KIRREL3: variants seen among roughly 807,000 people sequenced by gnomAD.
KIRREL3 encodes the protein kin of IRRE-like protein 3.
Under a neutral mutation model 89.7 loss-of-function variants are expected in KIRREL3, and 36 were observed. That is an observed-to-expected ratio of 0.40 (90% CI 0.31 to 0.53). The LOEUF (loss-of-function observed/expected upper bound fraction) is 0.53, where lower values mean the gene tolerates loss of function less well. Among genes scored for constraint, KIRREL3 ranks in the 20% least tolerant of loss-of-function variants. KIRREL3 has a pLI of 0.49. For synonymous variants in KIRREL3, 445 were observed against 441.4 expected (o/e 1.01, Z -0.10); for missense variants, 864 against 1,056.6 (o/e 0.82, Z 2.53).
intron 1 of KIRREL3, among the ~76,000 whole-genome samples, chr11:126,657,982 C>T (rs1024397514): frequency 3.9e-5 from 6 of 152,224 alleles, no homozygotes. Context: ...ATCAGTTTCA[C>T]AGAGAAGATG....
rs146141704 is a variant in KIRREL3 at position 126,651,010 on chromosome 11, G to T, written c.56-88098C>A. Among the ~76,000 whole-genome samples, 1 of 152,280 alleles carries T rather than the reference G, an allele frequency of 6.6e-6. No individual in the cohort carries two copies. The highest frequency in any genetic ancestry group is 1.5e-5 in the Non-Finnish European group (1 of 68,024). On this transcript the variant is annotated intron_variant, in intron 1 of 16. Coordinates refer to ENST00000525144, the MANE Select transcript of KIRREL3 (RefSeq NM_032531.4). The surrounding 1 kb of genome is among the most constrained non-coding windows in gnomAD (Gnocchi z 4.6). ...GTGAAAATCCCTGATAAAACCATCA[G>T]ATCTCATGAGACACATTCACTTCCA...
Position 126,756,927 on chromosome 11 carries a change from A to G in KIRREL3, c.56-194015T>C, listed in dbSNP as rs565493680. On this transcript the variant is annotated intron_variant, in intron 1 of 16. Transcript: ENST00000525144. ...CGAAGGCACCACCTGCACTCAAGAC[A>G]CTGGTTTCTTTGAGTGCCTGGCCAG... 1.2e-4 allele frequency among the ~76,000 whole-genome samples: 18 copies of G among 152,298 alleles called. No individual in the cohort carries two copies. In the South Asian group the frequency reaches 1.7e-3, roughly 14 times the overall value.
In KIRREL3 at chr11:126,989,487, A is replaced by G. The variant is rs1949962091; in HGVS notation, c.55+10968T>C. On this transcript the variant is annotated intron_variant, in intron 1 of 16. Coordinates refer to ENST00000525144, the MANE Select transcript of KIRREL3 (RefSeq NM_032531.4). The surrounding 1 kb of genome is among the most constrained non-coding windows in gnomAD (Gnocchi z 6.2). ...AAAACTGAATGAAAGGCCAAAGGTA[A>G]CATAAACCGCCAGCTCTACCAACCA... Among the ~76,000 whole-genome samples the G allele has an allele frequency of 6.6e-6, 1 of 152,104 alleles. No homozygotes were observed. Among genetic ancestry groups the G allele is most frequent in the Admixed American group, 6.5e-5 (1 of 15,276 alleles).
intron 13 of KIRREL3, among the ~76,000 whole-genome samples, chr11:126,434,725 G>A (rs1955254462): frequency 6.6e-6 from 1 of 152,220 alleles, no homozygotes; most frequent in African/African-American, 2.4e-5. Flanking sequence ...GGAGGGAGGC[G>A]CTGCCCTGCA....
At chr11:126,625,441 C>A (rs1014597191) in intron 1 of KIRREL3, among the ~76,000 whole-genome samples, 3 of 152,212 alleles carry the variant, frequency 2.0e-5, no homozygotes, top group African/African-American at 7.2e-5. Flanking sequence ...TCATTTCAGT[C>A]AAATTCTGCA....
At chr11:126,907,430 T>C (rs149161134) in intron 1 of KIRREL3, among the ~76,000 whole-genome samples, 3 of 152,192 alleles carry the variant, frequency 2.0e-5, no homozygotes, top group African/African-American at 4.8e-5. Context: ...TCATTTCCAA[T>C]GGCACACAAC....
Position 126,802,045 on chromosome 11 carries a change from A to G in KIRREL3, c.55+198410T>C, listed in dbSNP as rs975993929. On this transcript the variant is annotated intron_variant, in intron 1 of 16. Coordinates refer to ENST00000525144, the MANE Select transcript of KIRREL3 (RefSeq NM_032531.4). This position sits in a 1 kb window ranked among gnomAD's most constrained non-coding sequence, Gnocchi z 5.2. ...GTTGGTTGAAACCTGATTAATTGCT[A>G]TTCCATAGGCAAATGATGCTGCCAA... 2.3e-4 allele frequency among the ~76,000 whole-genome samples: 35 copies of G among 152,318 alleles called. No homozygotes were observed. Among genetic ancestry groups the G allele is most frequent in the African/African-American group, 7.9e-4 (33 of 41,586 alleles).
At chr11:126,751,382 A>G (rs1281555493) in intron 1 of KIRREL3, among the ~76,000 whole-genome samples, 1 of 152,224 alleles carries the variant, frequency 6.6e-6, no homozygotes, top group Non-Finnish European at 1.5e-5. Flanking sequence ...CTTGCTGGCT[A>G]AGGAGAACAG....
intron 1 of KIRREL3, among the ~76,000 whole-genome samples, chr11:126,662,352 T>C (rs191110273): frequency 2.4e-3 from 361 of 152,358 alleles, no homozygotes; most frequent in Non-Finnish European, 3.9e-3. Flanking sequence ...TAGAGGCTTA[T>C]GAAAGCCATG....
Position 126,814,699 on chromosome 11 carries a change from C to G in KIRREL3, c.55+185756G>C, listed in dbSNP as rs997313556. Among the ~76,000 whole-genome samples, 1 of 152,102 alleles carries G rather than the reference C, an allele frequency of 6.6e-6. No homozygotes were observed. The highest frequency in any genetic ancestry group is 1.5e-5 in the Non-Finnish European group (1 of 68,032). On this transcript the variant is annotated intron_variant, in intron 1 of 16. Transcript: ENST00000525144. This position sits in a 1 kb window ranked among gnomAD's most constrained non-coding sequence, Gnocchi z 4.4. Reference sequence around the variant, plus strand: ...AACCAAACACTGCATGTTCTCACTTCTAAGTAGGAGCTGAACAGTGAGAAC... The same window carrying G: ...AACCAAACACTGCATGTTCTCACTTGTAAGTAGGAGCTGAACAGTGAGAAC...
chr11:126,837,103 T>C lies in KIRREL3; in HGVS notation c.55+163352A>G, dbSNP rs1487112027. 2.0e-5 allele frequency among the ~76,000 whole-genome samples: 3 copies of C among 152,162 alleles called. No individual in the cohort carries two copies. The highest frequency in any genetic ancestry group is 2.1e-4 in the South Asian group (1 of 4,818). On this transcript the variant is annotated intron_variant, in intron 1 of 16. Transcript: ENST00000525144. This position sits in a 1 kb window ranked among gnomAD's most constrained non-coding sequence, Gnocchi z 4.7. ...GAGTAGCGTGGTTTAGAGGAAAGAA[T>C]AGAACTTTTGGATTAAAAAGCCAGT...
chr11:126,793,210 G>A (rs1416810317), intron 1 of KIRREL3, among the ~76,000 whole-genome samples: 1 of 147,282 alleles, frequency 6.8e-6, no homozygotes, highest in Non-Finnish European at 1.5e-5. Flanking sequence ...GCATGTAAAA[G>A]TCACTGGAAA....
chr11:126,757,465 G>T (rs1219280578), intron 1 of KIRREL3, among the ~76,000 whole-genome samples: 1 of 152,136 alleles, frequency 6.6e-6, no homozygotes, highest in Non-Finnish European at 1.5e-5. Context: ...TGTGGGAAAG[G>T]TATTTCAAGG....
chr11:126,873,184 A>G (rs1945164603), intron 1 of KIRREL3, among the ~76,000 whole-genome samples: 1 of 152,240 alleles, frequency 6.6e-6, no homozygotes, highest in Non-Finnish European at 1.5e-5. Context: ...ACAAGAATGT[A>G]TTTTAAAAGT....
At chr11:126,534,029 A>T (rs596168) in intron 2 of KIRREL3, among the ~76,000 whole-genome samples, 70,112 of 151,904 alleles carry the variant, frequency 0.46, 17,084 homozygotes, top group East Asian at 0.86. Context: ...TGGACTTTTA[A>T]TTACTATCCA....
In KIRREL3 at chr11:126,576,203, A is replaced by C. The variant is rs990745069; in HGVS notation, c.56-13291T>G. 8.5e-5 allele frequency among the ~76,000 whole-genome samples: 13 copies of C among 152,200 alleles called. No homozygotes were observed. In the East Asian group the frequency reaches 2.5e-3, roughly 29 times the overall value. ...GGGCCAAGATGAGGGCTGAGGTCTGAGATCTCTGCTGGTTTGAGAATGGGA... is the reference window on the plus strand; with the variant it reads ...GGGCCAAGATGAGGGCTGAGGTCTGCGATCTCTGCTGGTTTGAGAATGGGA... On this transcript the variant is annotated intron_variant, in intron 1 of 16. Coordinates refer to ENST00000525144, the MANE Select transcript of KIRREL3 (RefSeq NM_032531.4). This position sits in a 1 kb window ranked among gnomAD's most constrained non-coding sequence, Gnocchi z 5.4.
At chr11:126,447,823 G>C (rs980768901) in intron 8 of KIRREL3, among the ~76,000 whole-genome samples, 4 of 152,216 alleles carry the variant, frequency 2.6e-5, no homozygotes, top group Non-Finnish European at 5.9e-5. Context: ...CACTTTCTTC[G>C]GAGGCTTCAA....
chr11:126,775,917 T>C (rs999620802), intron 1 of KIRREL3, among the ~76,000 whole-genome samples: 1 of 152,180 alleles, frequency 6.6e-6, no homozygotes, highest in African/African-American at 2.4e-5. Context: ...GGAAAGAGGC[T>C]GCCTTGAGAC....
chr11:126,622,328 T>C lies in KIRREL3; in HGVS notation c.56-59416A>G, dbSNP rs1029276848. On this transcript the variant is annotated intron_variant, in intron 1 of 16. Transcript: ENST00000525144. This position sits in a 1 kb window ranked among gnomAD's most constrained non-coding sequence, Gnocchi z 5.2. Reference sequence around the variant, plus strand: ...ACACATTTTATCTCAAGTTGAACTTTGCATCCCCATTCTCTGGATTTGGGG... The same window carrying C: ...ACACATTTTATCTCAAGTTGAACTTCGCATCCCCATTCTCTGGATTTGGGG... Among the ~76,000 whole-genome samples, 4 of 152,220 alleles carry C rather than the reference T, an allele frequency of 2.6e-5. No individual in the cohort carries two copies. The highest frequency in any genetic ancestry group is 6.5e-5 in the Admixed American group (1 of 15,288).
Sources: allele counts gnomAD v4.1 joint callset (sites outside exome capture counted in the v4.1 genomes callset), GRCh38; gene constraint gnomAD v4.1.1; non-coding constraint Gnocchi (gnomAD v3.1); transcripts MANE v1.5; gene names NCBI Gene and HGNC (gene_info 2026-07-23, HGNC 2026-07-21).